HSD17B12: variants seen among roughly 807,000 people sequenced by gnomAD.
HSD17B12 encodes very-long-chain 3-oxoacyl-CoA reductase.
In HSD17B12, 32 loss-of-function variants were observed where a neutral mutation model predicts 39.3. The ratio of observed to expected loss-of-function variants is 0.81; its 90% CI spans 0.61 to 1.09. The LOEUF is 1.09. Among genes scored for constraint, HSD17B12 ranks in the 50% least tolerant of loss-of-function variants. HSD17B12 has a pLI of 0.00. For synonymous variants in HSD17B12, 150 were observed against 146.7 expected (o/e 1.02, Z -0.16); for missense variants, 342 against 382.9 (o/e 0.89, Z 0.89).
intron 1 of HSD17B12, among the ~76,000 whole-genome samples, chr11:43,683,794 T>C (rs1249613063): frequency 6.6e-6 from 1 of 152,200 alleles, no homozygotes; most frequent in East Asian, 1.9e-4. Context: ...TATTAGTATA[T>C]GTTGAATTGA....
chr11:43,622,987 A>G, the HSD17B12 span, among the ~76,000 whole-genome samples: 4 of 152,152 alleles, frequency 2.6e-5, no homozygotes, highest in Non-Finnish European at 5.9e-5. Flanking sequence ...TTGATTAATG[A>G]TTAACAGGTC....
At chr11:43,613,710 A>G in the HSD17B12 span, among the ~76,000 whole-genome samples, 2 of 150,272 alleles carry the variant, frequency 1.3e-5, no homozygotes, top group Non-Finnish European at 2.9e-5. Flanking sequence ...TCTGTTGCCC[A>G]GGCTAGAATT....
At chr11:43,668,011 A>C in the HSD17B12 span, among the ~76,000 whole-genome samples, 1 of 152,156 alleles carries the variant, frequency 6.6e-6, no homozygotes, top group Admixed American at 6.6e-5. Flanking sequence ...TTAATGCTTG[A>C]GTGTGGTGAG....
At chr11:43,683,966 A>C (rs1164239869) in intron 1 of HSD17B12, among the ~76,000 whole-genome samples, 4 of 152,254 alleles carry the variant, frequency 2.6e-5, no homozygotes, top group Non-Finnish European at 5.9e-5. Flanking sequence ...ATTTAAGAAC[A>C]AAAACTTTGA....
intron 6 of HSD17B12, 28 bp from the exon 7 acceptor site, chr11:43,830,947 TC>T: frequency 2.5e-6 from 4 of 1,599,420 alleles, no homozygotes; most frequent in Non-Finnish European, 3.4e-6. Context: ...TCCTTGGCCA[TC>T]ATGAATGTTT....
intron 1 of HSD17B12, among the ~76,000 whole-genome samples, chr11:43,703,486 G>A (rs377154732): frequency 6.6e-6 from 1 of 152,146 alleles, no homozygotes; most frequent in African/African-American, 2.4e-5. Flanking sequence ...GAGCCACCGC[G>A]CCCGGCCAAA....
At chr11:43,847,199 G>A (rs1040268055) in intron 9 of HSD17B12, among the ~76,000 whole-genome samples, 5 of 152,210 alleles carry the variant, frequency 3.3e-5, no homozygotes, top group African/African-American at 7.2e-5. Context: ...CTGGGAGGCC[G>A]GGTCTCTGGA....
At chr11:43,630,985 A>G in the HSD17B12 span, among the ~76,000 whole-genome samples, 4 of 151,888 alleles carry the variant, frequency 2.6e-5, no homozygotes, top group Non-Finnish European at 5.9e-5. Context: ...TGGTATTTTT[A>G]GTAGAGATGG....
chr11:43,802,757 G>A (rs11037652), intron 4 of HSD17B12, among the ~76,000 whole-genome samples: 2,812 of 152,246 alleles, frequency 0.018, 82 homozygotes, highest in African/African-American at 0.05. Context: ...AATGTGTATA[G>A]GACAGCCTTC....
At chr11:43,687,648 G>A (rs750222441) in intron 1 of HSD17B12, among the ~76,000 whole-genome samples, 1 of 152,196 alleles carries the variant, frequency 6.6e-6, no homozygotes, top group Non-Finnish European at 1.5e-5. Context: ...GCTGAGTGAC[G>A]AGCCAGGAAA....
intron 1 of HSD17B12, among the ~76,000 whole-genome samples, chr11:43,691,693 A>G (rs1393047533): frequency 6.6e-6 from 1 of 152,224 alleles, no homozygotes; most frequent in Non-Finnish European, 1.5e-5. Flanking sequence ...CTATGCAAAC[A>G]TCAGGCTCCT....
chr11:43,723,216 A>G (rs891409940), intron 1 of HSD17B12, among the ~76,000 whole-genome samples: 6 of 152,220 alleles, frequency 3.9e-5, no homozygotes, highest in Non-Finnish European at 8.8e-5. Context: ...GAATCGTAAC[A>G]TAAGGCAAGA....
chr11:43,690,231 G>A (rs1236389185), intron 1 of HSD17B12, among the ~76,000 whole-genome samples: 1 of 151,038 alleles, frequency 6.6e-6, no homozygotes, highest in Non-Finnish European at 1.5e-5. Flanking sequence ...GTTTCTGTTA[G>A]AATGTGAGCA....
At chr11:43,609,556 TG>T in the HSD17B12 span, among the ~76,000 whole-genome samples, 1 of 151,588 alleles carries the variant, frequency 6.6e-6, no homozygotes, top group African/African-American at 2.4e-5. Context: ...AGAGATGGGG[TG>T]GGGGGTCTTG....
upstream of HSD17B12, among the ~76,000 whole-genome samples, chr11:43,676,961 T>A (rs1405380764): frequency 6.6e-6 from 1 of 152,124 alleles, no homozygotes; most frequent in East Asian, 1.9e-4. Flanking sequence ...AGCTATACTG[T>A]AGGCAAAGAT....
At chr11:43,823,678 C>T (rs1385974597) in intron 6 of HSD17B12, among the ~76,000 whole-genome samples, 1 of 152,098 alleles carries the variant, frequency 6.6e-6, no homozygotes, top group Non-Finnish European at 1.5e-5. Flanking sequence ...CTGAATCCTA[C>T]CTGGGCCTCG....
At chr11:43,734,613 C>T (rs1950299851) in intron 1 of HSD17B12, 3 of 377,150 alleles carry the variant, frequency 8.0e-6, no homozygotes, top group African/African-American at 2.1e-5. Flanking sequence ...GCCACAGCCC[C>T]GATGATTCTT....
At chr11:43,645,607 A>C in the HSD17B12 span, 1 of 152,218 alleles carries the variant, frequency 6.6e-6, no homozygotes, top group African/African-American at 2.4e-5. Flanking sequence ...AACCACTTTC[A>C]TATATCATTA....
the HSD17B12 span, chr11:43,644,940 T>C: frequency 6.6e-6 from 1 of 152,314 alleles, no homozygotes; most frequent in Non-Finnish European, 1.5e-5. Context: ...TAGAAAGATA[T>C]GTGTGCAAAA....
Sources: allele counts gnomAD v4.1 joint callset (sites outside exome capture counted in the v4.1 genomes callset), GRCh38; gene constraint gnomAD v4.1.1; transcripts MANE v1.5; gene names NCBI Gene and HGNC (gene_info 2026-07-23, HGNC 2026-07-21).